PLEKHA7: variants seen among roughly 807,000 people sequenced by gnomAD.
PLEKHA7 encodes the protein pleckstrin homology domain-containing family A member 7.
In PLEKHA7, 104 loss-of-function variants were observed where a neutral mutation model predicts 170.0. The observed-to-expected ratio is 0.61, with a 90% CI of 0.52 to 0.72. The LOEUF (loss-of-function observed/expected upper bound fraction) is 0.72. Ranked by LOEUF, PLEKHA7 falls within the 30% of genes least tolerant of loss-of-function variation. The pLI is 0.00. For synonymous variants in PLEKHA7, 648 were observed against 660.8 expected (o/e 0.98, Z 0.30); for missense variants, 1,615 against 1,671.7 (o/e 0.97, Z 0.59).
At chr11:16,855,738 G>T in intron 5 of PLEKHA7, 65 bp downstream of exon 5, 1 of 1,215,620 alleles carries the variant, frequency 8.2e-7, no homozygotes, top group South Asian at 1.3e-5. Context: ...ATGGACTTCT[G>T]GTTACAAAGG....
At chr11:16,851,784 CCTT>C (rs1398225150) in intron 7 of PLEKHA7, among the ~76,000 whole-genome samples, 1 of 152,174 alleles carries the variant, frequency 6.6e-6, no homozygotes, top group Non-Finnish European at 1.5e-5. Context: ...TCTCTTCTCT[CCTT>C]CTAAGAAGCC....
intron 8 of PLEKHA7, among the ~76,000 whole-genome samples, chr11:16,850,350 C>T (rs1320603983): frequency 6.6e-6 from 1 of 152,230 alleles, no homozygotes. Context: ...GAGGGCCATG[C>T]CCTGTGGTGA....
chr11:16,936,144 G>C (rs1419080680), intron 3 of PLEKHA7, among the ~76,000 whole-genome samples: 1 of 152,062 alleles, frequency 6.6e-6, no homozygotes, highest in Non-Finnish European at 1.5e-5. Context: ...GCTCATGCCT[G>C]TAATCCCAGC....
chr11:16,969,184 G>A (rs1239280012), intron 3 of PLEKHA7, among the ~76,000 whole-genome samples: 1 of 152,168 alleles, frequency 6.6e-6, no homozygotes, highest in East Asian at 1.9e-4. Flanking sequence ...CCAAATGTCA[G>A]TTGCATCATA....
At chr11:16,883,457 G>A (rs553225630) in intron 3 of PLEKHA7, among the ~76,000 whole-genome samples, 1 of 152,130 alleles carries the variant, frequency 6.6e-6, no homozygotes, top group Non-Finnish European at 1.5e-5. Context: ...CACTGCTCTT[G>A]TTCCATTATC....
At chr11:16,788,505 T>C (rs1849554387) in intron 23 of PLEKHA7, 1 of 153,062 alleles carries the variant, frequency 6.5e-6, no homozygotes, top group African/African-American at 2.4e-5. Context: ...TCAAATGGAA[T>C]GTTTCCAAAG....
intron 3 of PLEKHA7, among the ~76,000 whole-genome samples, chr11:16,980,937 C>T (rs1251394587): frequency 6.6e-6 from 1 of 152,074 alleles, no homozygotes; most frequent in African/African-American, 2.4e-5. Flanking sequence ...AAGGGTCTCA[C>T]ATATCAGTGT....
At chr11:16,924,071 A>G (rs1441548097) in intron 3 of PLEKHA7, among the ~76,000 whole-genome samples, 1 of 148,934 alleles carries the variant, frequency 6.7e-6, no homozygotes, top group East Asian at 2.0e-4. Flanking sequence ...ACAGCCCTCC[A>G]TTTAAGGCTG....
intron 3 of PLEKHA7, among the ~76,000 whole-genome samples, chr11:16,974,434 G>A (rs1293965197): frequency 6.6e-5 from 10 of 151,918 alleles, no homozygotes; most frequent in Admixed American, 5.9e-4. Flanking sequence ...AATATGGAAC[G>A]CTTCACAAAT....
chr11:16,903,703 AC>A (rs1857481065), intron 3 of PLEKHA7, among the ~76,000 whole-genome samples: 2 of 152,198 alleles, frequency 1.3e-5, no homozygotes, highest in Non-Finnish European at 2.9e-5. Context: ...TCTTCTCACA[AC>A]GTCCAAATTA....
chr11:16,923,165 A>T (rs1859224106), intron 3 of PLEKHA7, among the ~76,000 whole-genome samples: 1 of 152,216 alleles, frequency 6.6e-6, no homozygotes, highest in African/African-American at 2.4e-5. Flanking sequence ...TAGCTGCCCC[A>T]GGCCATCTTG....
intron 3 of PLEKHA7, among the ~76,000 whole-genome samples, chr11:16,932,232 T>A (rs1590653315): frequency 6.6e-6 from 1 of 151,678 alleles, no homozygotes; most frequent in South Asian, 2.1e-4. Context: ...TATAATAGCA[T>A]GGGACACAAT....
At chr11:16,911,750 C>T (rs1009329314) in intron 3 of PLEKHA7, among the ~76,000 whole-genome samples, 6 of 152,146 alleles carry the variant, frequency 3.9e-5, no homozygotes, top group South Asian at 2.1e-4. Context: ...TCACTCAGAG[C>T]TCTTTCCCCA....
intron 3 of PLEKHA7, among the ~76,000 whole-genome samples, chr11:16,888,244 G>A (rs114432437): frequency 0.037 from 5,572 of 152,030 alleles, 177 homozygotes; most frequent in African/African-American, 0.079. Context: ...CCCAGCAGCC[G>A]CCCCGTCCAG....
intron 4 of PLEKHA7, among the ~76,000 whole-genome samples, chr11:16,865,535 G>A (rs1017641259): frequency 5.9e-5 from 9 of 152,004 alleles, no homozygotes; most frequent in African/African-American, 1.7e-4. Flanking sequence ...ACCAGCCTGG[G>A]CAACACAGTG....
chr11:16,779,980 A>G (rs201209077), intron 26 of PLEKHA7, among the ~76,000 whole-genome samples: 45 of 136,288 alleles, frequency 3.3e-4, no homozygotes, highest in African/African-American at 7.8e-4. Context: ...TAAAACGGGG[A>G]GGGGGGGGGG....
At chr11:16,999,530 G>C (rs1293443952) in intron 3 of PLEKHA7, among the ~76,000 whole-genome samples, 1 of 151,996 alleles carries the variant, frequency 6.6e-6, no homozygotes, top group Non-Finnish European at 1.5e-5. Context: ...AAAACCAGAG[G>C]CTCCCCAGGA....
In PLEKHA7 at chr11:16,816,904, G is replaced by A. The variant is rs1417932032; in HGVS notation, c.1762C>T (p.His588Tyr). ...ACTGTGACTCGCTCTGCTGGTGTGT[G>A]TGGCCGCCGGGGTGGGAAGACCCTT... is the stretch of plus-strand genomic sequence containing the variant. ...PPRVFPPRRP[H>Y]TPAERVTVKP... The change falls in exon 11 of 27, where the codon CAC becomes TAC. Residue 588 changes from histidine (H) to tyrosine (Y), a missense_variant. His to Tyr is a moderately conservative substitution (Grantham distance 83, BLOSUM62 2). Transcript: ENST00000531066. 1.2e-6 allele frequency: 2 copies of A among 1,614,004 alleles called. No individual in the cohort carries two copies. The highest frequency in any genetic ancestry group is 2.7e-5 in the African/African-American group (2 of 74,934).
intron 9 of PLEKHA7, among the ~76,000 whole-genome samples, chr11:16,829,765 A>C (rs1424168804): frequency 6.6e-6 from 1 of 152,042 alleles, no homozygotes; most frequent in Non-Finnish European, 1.5e-5. Flanking sequence ...ACAGAGCAAG[A>C]CTCCGCCTCA....
Sources: allele counts gnomAD v4.1 joint callset (sites outside exome capture counted in the v4.1 genomes callset), GRCh38; gene constraint gnomAD v4.1.1; transcripts MANE v1.5; gene names NCBI Gene and HGNC (gene_info 2026-07-23, HGNC 2026-07-21).